Variants in SIK2 observed in about 807,000 individuals in gnomAD.
SIK2 encodes the protein serine/threonine-protein kinase SIK2.
A neutral mutation model predicts 103.2 loss-of-function variants in SIK2; 29 were observed. The observed-to-expected ratio is 0.28, with a 90% CI of 0.21 to 0.38. The LOEUF is 0.38. Ranked by LOEUF, SIK2 falls within the 10% of genes least tolerant of loss-of-function variation. SIK2 has a pLI of 1.00. For missense variants in SIK2, 879 were observed against 1,171.0 expected (o/e 0.75, Z 3.64); for synonymous variants, 412 against 446.1 (o/e 0.92, Z 0.96).
At position 111,730,664 on chromosome 11, in the gene SIK2, G is replaced by C. The variant is rs1944160316; in HGVS notation, c.*6535G>C. 6.6e-6 allele frequency: 1 copy of C among 151,508 alleles called. No individual in the cohort carries two copies. The highest frequency in any genetic ancestry group is 1.5e-5 in the Non-Finnish European group (1 of 67,944). The allele number at this position is 151,508 out of a possible 1,614,324, so 9.4% of individuals were successfully genotyped here. ...GGTATTATGAGTGCAAATCATAATA[G>C]CTCCAATGTGAAAAAAAAAATCAAA... On this transcript the variant is annotated 3_prime_UTR_variant, in exon 15 of 15. Coordinates refer to ENST00000304987, the MANE Select transcript of SIK2 (RefSeq NM_015191.3).
At chr11:111,690,359 C>T (rs1381346669) in intron 4 of SIK2, among the ~76,000 whole-genome samples, 3 of 149,776 alleles carry the variant, frequency 2.0e-5, no homozygotes, top group Admixed American at 6.7e-5. Context: ...ATTACCAAAA[C>T]GAAATATTTA....
At chr11:111,675,845 T>C (rs1942696459) in intron 3 of SIK2, among the ~76,000 whole-genome samples, 1 of 152,200 alleles carries the variant, frequency 6.6e-6, no homozygotes, top group East Asian at 1.9e-4. Flanking sequence ...CAAATTATTT[T>C]GTCAGTCAGC....
intron 3 of SIK2, among the ~76,000 whole-genome samples, chr11:111,637,331 G>T: frequency 6.7e-6 from 1 of 149,546 alleles, no homozygotes; most frequent in African/African-American, 2.5e-5. Flanking sequence ...TATTTTTTTA[G>T]TCTAAAATTT....
chr11:111,647,562 GAAAAA>G (rs11307756), intron 3 of SIK2, among the ~76,000 whole-genome samples: 2 of 62,912 alleles, frequency 3.2e-5, no homozygotes, highest in Admixed American at 1.8e-4. Flanking sequence ...CCCCCATCTC[GAAAAA>G]AAAAAAAAAA....
In SIK2 at chr11:111,712,213, A is replaced by G; in HGVS notation, c.1104A>G (p.Ala368=). The part of the protein sequence containing the change: ...STIAEQTVAK[A]QTVGLPVTMH... ...GTCTGTTCTTGCCATATTTACAGGCACAGACTGTGGGGCTCCCAGTGACCA... is the reference window on the plus strand; with the variant it reads ...GTCTGTTCTTGCCATATTTACAGGCGCAGACTGTGGGGCTCCCAGTGACCA... The change falls in exon 9 of 15, where the codon GCA becomes GCG. Residue 368 remains alanine (A), a splice_region_variant and synonymous_variant. Transcript: ENST00000304987. 1 of 1,614,176 alleles carries G rather than the reference A, an allele frequency of 6.2e-7. No individual in the cohort carries two copies. Among genetic ancestry groups the G allele is most frequent in the Non-Finnish European group, 8.5e-7 (1 of 1,179,996 alleles).
At chr11:111,660,417 T>G (rs749538404) in intron 3 of SIK2, among the ~76,000 whole-genome samples, 1 of 152,200 alleles carries the variant, frequency 6.6e-6, no homozygotes, top group Non-Finnish European at 1.5e-5. Context: ...TGCAACTATC[T>G]TTGGGTCAGG....
At chr11:111,676,479 T>C (rs1486363272) in intron 3 of SIK2, among the ~76,000 whole-genome samples, 2 of 152,202 alleles carry the variant, frequency 1.3e-5, no homozygotes, top group African/African-American at 4.8e-5. Flanking sequence ...TGGTCTCTCA[T>C]TGTGGTTTTG....
chr11:111,639,293 GC>G (rs1029790629), intron 3 of SIK2, among the ~76,000 whole-genome samples: 6 of 151,900 alleles, frequency 3.9e-5, no homozygotes. Context: ...TTTTTTTTCT[GC>G]ATAGTCCCTC....
At chr11:111,658,285 C>T (rs926333728) in intron 3 of SIK2, among the ~76,000 whole-genome samples, 21 of 151,852 alleles carry the variant, frequency 1.4e-4, no homozygotes, top group Admixed American at 3.3e-4. Flanking sequence ...CCACCACGCC[C>T]GGTTAATTTT....
At chr11:111,716,677 G>A (rs1241946793) in intron 9 of SIK2, among the ~76,000 whole-genome samples, 1 of 152,154 alleles carries the variant, frequency 6.6e-6, no homozygotes, top group African/African-American at 2.4e-5. Context: ...CAAATATTTT[G>A]TAATAAAAGA....
intron 8 of SIK2, among the ~76,000 whole-genome samples, chr11:111,707,394 T>A (rs1943380256): frequency 6.6e-6 from 1 of 152,302 alleles, no homozygotes; most frequent in East Asian, 1.9e-4. Context: ...AGGGTTCAGA[T>A]ACATAAACGT....
In SIK2 at chr11:111,661,808, C is replaced by T. The variant is rs561383080; in HGVS notation, c.317-26193C>T. ...GAGGAACTGCCCTTTATAAAACCAT[C>T]GGATCTCGTGAAACTTACTATCATG... On this transcript the variant is annotated intron_variant, in intron 3 of 14. Coordinates refer to ENST00000304987, the MANE Select transcript of SIK2 (RefSeq NM_015191.3). Among the ~76,000 whole-genome samples, 32 of 152,256 alleles carry T rather than the reference C, an allele frequency of 2.1e-4. No homozygotes were observed. The South Asian group carries it at 4.8e-3, about 23-fold the overall frequency.
Position 111,721,822 on chromosome 11 carries a change from C to T in SIK2, c.1945-8C>T. On this transcript the variant is annotated splice_polypyrimidine_tract_variant and splice_region_variant and intron_variant, in intron 12 of 14. Transcript: ENST00000304987. ...ATTGAAAATTGTTTCCACCCCCTTG[C>T]TCCTCAGGAAGAAGTTTCTCAGCAG... 1.3e-6 allele frequency: 2 copies of T among 1,599,742 alleles called. No homozygotes were observed. The highest frequency in any genetic ancestry group is 1.3e-5 in the African/African-American group (1 of 74,396).
At chr11:111,680,647 C>G (rs1442434694) in intron 3 of SIK2, among the ~76,000 whole-genome samples, 1 of 152,188 alleles carries the variant, frequency 6.6e-6, no homozygotes, top group Non-Finnish European at 1.5e-5. Flanking sequence ...AAGATTCTCA[C>G]ACCCCTGAGA....
chr11:111,678,964 G>A (rs1338081530), intron 3 of SIK2, among the ~76,000 whole-genome samples: 1 of 152,148 alleles, frequency 6.6e-6, no homozygotes, highest in African/African-American at 2.4e-5. Flanking sequence ...TGAATAACTT[G>A]CCCAACATGA....
At position 111,725,150 on chromosome 11, in the gene SIK2, T is replaced by C. The variant is rs1184693228; in HGVS notation, c.*1021T>C. On this transcript the variant is annotated 3_prime_UTR_variant, in exon 15 of 15. Transcript: ENST00000304987. ...ATGATAAATGAACTTTTCTGTCCCA[T>C]GTGAAGTGGTAGTGCGGTGCCTTTC... 6.5e-6 allele frequency: 1 copy of C among 152,700 alleles called. No homozygotes were observed. Among genetic ancestry groups the C allele is most frequent in the Admixed American group, 6.5e-5 (1 of 15,284 alleles). The allele number at this position is 152,700 out of a possible 1,614,324, so 9.5% of individuals were successfully genotyped here. A position where few individuals can be genotyped will look rare whatever the true frequency, so the allele number is the denominator to read the frequency against.
At chr11:111,695,029 G>C (rs972873795) in intron 4 of SIK2, among the ~76,000 whole-genome samples, 2 of 152,108 alleles carry the variant, frequency 1.3e-5, no homozygotes, top group Non-Finnish European at 2.9e-5. Flanking sequence ...GTGCTGGTGG[G>C]CAACAAAGTA....
intron 3 of SIK2, among the ~76,000 whole-genome samples, chr11:111,668,822 C>G (rs1247249261): frequency 6.6e-6 from 1 of 152,116 alleles, no homozygotes; most frequent in East Asian, 1.9e-4. Flanking sequence ...GTGACTTGCA[C>G]TAGAGGAGGA....
chr11:111,695,588 T>C (rs971122943), intron 4 of SIK2, among the ~76,000 whole-genome samples: 2 of 152,208 alleles, frequency 1.3e-5, no homozygotes, highest in African/African-American at 4.8e-5. Flanking sequence ...GTTTTCTGGC[T>C]AGTCAAAAAG....
Sources: gnomAD v4.1 joint callset for allele counts (sites outside exome capture counted in the v4.1 genomes callset) on GRCh38, gnomAD v4.1.1 for gene constraint, MANE v1.5 for transcripts, NCBI Gene and HGNC (gene_info 2026-07-23, HGNC 2026-07-21) for gene names.